AGFG1: variants seen among roughly 807,000 people sequenced by gnomAD.
The protein encoded by AGFG1 is arf-GAP domain and FG repeat-containing protein 1.
In AGFG1, 10 loss-of-function variants were observed where a neutral mutation model predicts 60.6. The ratio of observed to expected loss-of-function variants is 0.16; its 90% CI spans 0.10 to 0.28. The LOEUF is 0.28. AGFG1 is among the 10% of genes least tolerant of loss of function. AGFG1 has a pLI of 1.00. For missense variants in AGFG1, 537 were observed against 676.5 expected (o/e 0.79, Z 2.29); for synonymous variants, 247 against 242.9 (o/e 1.02, Z -0.16).
chr2:227,526,241 G>A (rs370105648), intron 5 of AGFG1, among the ~76,000 whole-genome samples: 5 of 151,918 alleles, frequency 3.3e-5, no homozygotes, highest in African/African-American at 4.8e-5. Context: ...CTCTCTCGCC[G>A]AGGCTGGAGT....
chr2:227,499,753 G>A (rs1691093303), intron 2 of AGFG1, among the ~76,000 whole-genome samples: 1 of 152,200 alleles, frequency 6.6e-6, no homozygotes, highest in Non-Finnish European at 1.5e-5. Context: ...ATAGATTCAG[G>A]CAGAGGTTTG....
At chr2:227,493,297 C>T (rs933196279) in intron 2 of AGFG1, among the ~76,000 whole-genome samples, 1 of 152,054 alleles carries the variant, frequency 6.6e-6, no homozygotes, top group Non-Finnish European at 1.5e-5. Flanking sequence ...AAACTTTATA[C>T]CAGTTGAATT....
chr2:227,498,644 A>G (rs1234782866), intron 2 of AGFG1, among the ~76,000 whole-genome samples: 1 of 152,230 alleles, frequency 6.6e-6, no homozygotes, highest in African/African-American at 2.4e-5. Context: ...GTTGGCTTTC[A>G]GAGAAATACA....
intron 1 of AGFG1, among the ~76,000 whole-genome samples, chr2:227,473,231 T>C (rs1575053519): frequency 6.6e-6 from 1 of 151,966 alleles, no homozygotes; most frequent in African/African-American, 2.4e-5. Flanking sequence ...GTGAATCCCC[T>C]GGGAAAAGTT....
At chr2:227,501,743 G>A (rs1292996370) in intron 2 of AGFG1, among the ~76,000 whole-genome samples, 1 of 151,898 alleles carries the variant, frequency 6.6e-6, no homozygotes, top group Non-Finnish European at 1.5e-5. Context: ...ACCACCACGC[G>A]TGGCCCATTT....
intron 3 of AGFG1, among the ~76,000 whole-genome samples, chr2:227,523,075 A>G (rs7578871): frequency 0.6 from 91,692 of 152,046 alleles, 27,699 homozygotes; most frequent in South Asian, 0.69. Context: ...ATCTGTATAC[A>G]CTTACCAATT....
chr2:227,486,689 T>C (rs947414440), intron 1 of AGFG1, among the ~76,000 whole-genome samples: 2 of 152,222 alleles, frequency 1.3e-5, no homozygotes, highest in African/African-American at 4.8e-5. Flanking sequence ...AAGAAAGTTA[T>C]GCAAGATTGA....
At chr2:227,492,151 T>C (rs941532151) in intron 2 of AGFG1, among the ~76,000 whole-genome samples, 28 of 152,258 alleles carry the variant, frequency 1.8e-4, no homozygotes, top group African/African-American at 6.5e-4. Flanking sequence ...CCAGATGGTA[T>C]AAAGATTTGG....
intron 1 of AGFG1, among the ~76,000 whole-genome samples, chr2:227,486,688 A>G (rs891754098): frequency 1.3e-5 from 2 of 152,228 alleles, no homozygotes; most frequent in African/African-American, 4.8e-5. Flanking sequence ...AAAGAAAGTT[A>G]TGCAAGATTG....
rs1277694359 is a variant in AGFG1 at position 227,558,663 on chromosome 2, G to A, written c.*4168G>A. 6.6e-6 allele frequency: 1 copy of A among 152,124 alleles called. No homozygotes were observed. Among genetic ancestry groups the A allele is most frequent in the African/African-American group, 2.4e-5 (1 of 41,416 alleles). The allele number at this position is 152,124 out of a possible 1,614,324, so 9.4% of individuals were successfully genotyped here. A position where few individuals can be genotyped will look rare whatever the true frequency, so the allele number is the denominator to read the frequency against. On this transcript the variant is annotated 3_prime_UTR_variant, in exon 13 of 13. Coordinates refer to ENST00000310078, the MANE Select transcript of AGFG1 (RefSeq NM_004504.5). ...CATTAAACTTTTCACGTGGTTGTTT[G>A]TGAACAGATGAATATATAACCACGA...
chr2:227,531,243 T>G (rs1443039854), intron 6 of AGFG1, 33 bp downstream of exon 6: 2 of 1,593,336 alleles, frequency 1.3e-6, no homozygotes, highest in East Asian at 4.5e-5. Flanking sequence ...CTTAAATGTT[T>G]ACTTTACAAA....
rs532626255 is a variant in AGFG1 at position 227,558,061 on chromosome 2, A to G, written c.*3566A>G. 2.0e-5 allele frequency: 3 copies of G among 152,286 alleles called. No homozygotes were observed. Among genetic ancestry groups the G allele is most frequent in the Non-Finnish European group, 4.4e-5 (3 of 68,026 alleles). The allele number at this position is 152,286 out of a possible 1,614,324, so 9.4% of individuals were successfully genotyped here. A position where few individuals can be genotyped will look rare whatever the true frequency, so the allele number is the denominator to read the frequency against. On this transcript the variant is annotated 3_prime_UTR_variant, in exon 13 of 13. Coordinates refer to ENST00000310078, the MANE Select transcript of AGFG1 (RefSeq NM_004504.5). ...GAACTGAAATTGCAGACTTTTTAAC[A>G]CTACTTCAAGGTAATAATAGCAGTG...
chr2:227,497,005 G>A (rs906594970), intron 2 of AGFG1, among the ~76,000 whole-genome samples: 6 of 152,162 alleles, frequency 3.9e-5, no homozygotes, highest in African/African-American at 1.2e-4. Context: ...TAGAGTGGCA[G>A]AGTTAAGTTA....
At chr2:227,551,890 A>G in intron 10 of AGFG1, 69 bp from the exon 11 acceptor site, 1 of 1,536,682 alleles carries the variant, frequency 6.5e-7, no homozygotes, top group Admixed American at 1.9e-5. Flanking sequence ...GTCTTTTTAC[A>G]TTTACAATGT....
intron 7 of AGFG1, among the ~76,000 whole-genome samples, chr2:227,534,170 A>G (rs560781778): frequency 6.6e-6 from 1 of 152,188 alleles, no homozygotes; most frequent in South Asian, 2.1e-4. Context: ...AAAATTCATG[A>G]ATTTTACAGT....
chr2:227,515,769 C>T (rs1339849441), intron 2 of AGFG1, among the ~76,000 whole-genome samples: 1 of 152,024 alleles, frequency 6.6e-6, no homozygotes, highest in Non-Finnish European at 1.5e-5. Flanking sequence ...CCTTGAAACC[C>T]CCTTTTTTCA....
intron 2 of AGFG1, among the ~76,000 whole-genome samples, chr2:227,512,166 A>G (rs554691418): frequency 1.3e-5 from 2 of 152,328 alleles, no homozygotes; most frequent in South Asian, 2.1e-4. Context: ...ACTATGCCTC[A>G]GAGATCTCAC....
chr2:227,550,704 C>T (rs1394604011), intron 10 of AGFG1, among the ~76,000 whole-genome samples: 1 of 152,080 alleles, frequency 6.6e-6, no homozygotes, highest in Non-Finnish European at 1.5e-5. Flanking sequence ...AAACATACGA[C>T]TACAGGGATT....
At chr2:227,490,369 G>A (rs1048295513) in intron 1 of AGFG1, among the ~76,000 whole-genome samples, 2 of 152,106 alleles carry the variant, frequency 1.3e-5, no homozygotes, top group Non-Finnish European at 2.9e-5. Flanking sequence ...ACGAGGTCAG[G>A]AGATTGAGAA....
Sources: gnomAD v4.1 joint callset for allele counts (sites outside exome capture counted in the v4.1 genomes callset) on GRCh38, gnomAD v4.1.1 for gene constraint, MANE v1.5 for transcripts, NCBI Gene and HGNC (gene_info 2026-07-23, HGNC 2026-07-21) for gene names.